BICRA: variants seen among roughly 807,000 people sequenced by gnomAD.
BICRA encodes BRD4-interacting chromatin-remodeling complex-associated protein.
A neutral mutation model predicts 96.9 loss-of-function variants in BICRA; 31 were observed. That is an observed-to-expected ratio of 0.32 (90% CI 0.24 to 0.43). The LOEUF (loss-of-function observed/expected upper bound fraction) is 0.43, where lower values mean the gene tolerates loss of function less well. BICRA is among the 20% of genes least tolerant of loss of function. BICRA has a pLI of 1.00. For missense variants in BICRA, 2,283 were observed against 2,190.3 expected (o/e 1.04, Z -0.84); for synonymous variants, 1,350 against 1,071.8 (o/e 1.26, Z -5.07).
rs749458422 is a variant in BICRA, at chr19:47,681,968, C to T, written c.2107-8C>T. 230 of 1,548,370 alleles carry T rather than the reference C, an allele frequency of 1.5e-4. No homozygotes were observed. The highest frequency in any genetic ancestry group is 1.9e-4 in the Non-Finnish European group (215 of 1,150,960). On this transcript the variant is annotated splice_region_variant and splice_polypyrimidine_tract_variant and intron_variant, in intron 6 of 14. Transcript: ENST00000594866. ...GCTTTCTGATCCTGTGCGGGCTGCC[C>T]GTTGCAGGAGAGGAGCCAGCAGCCC...
At chr19:47,696,842 G>A (rs1973351514) in intron 11 of BICRA, among the ~76,000 whole-genome samples, 1 of 152,004 alleles carries the variant, frequency 6.6e-6, no homozygotes, top group Admixed American at 6.6e-5. Context: ...GGTGGGTGAA[G>A]TGATGGGTGG....
rs780718883 is a variant in BICRA, at chr19:47,690,813, TGC to T, written c.2284-3299_2284-3298del. ...TGGATTGTGTGTGTGTGTGTGTGTG[TGC>T]GCACTTTTGATGAGAATGAAATTAA... On this transcript the variant is annotated intron_variant, in intron 7 of 14. Coordinates refer to ENST00000594866, the MANE Select transcript of BICRA (RefSeq NM_001394372.1). Among the ~76,000 whole-genome samples the T allele has an allele frequency of 1.1e-3, 164 of 148,038 alleles. 4 individuals carry two copies. The East Asian group carries it at 0.03, about 27-fold the overall frequency.
In BICRA at chr19:47,673,774, C is replaced by A. The variant is rs375606918; in HGVS notation, c.84+12C>A. The A allele has an allele frequency of 1.2e-6, 2 of 1,608,842 alleles. No homozygotes were observed. Among genetic ancestry groups the A allele is most frequent in the Non-Finnish European group, 1.7e-6 (2 of 1,175,596 alleles). On this transcript the variant is annotated intron_variant, in intron 4 of 14. Coordinates refer to ENST00000594866, the MANE Select transcript of BICRA (RefSeq NM_001394372.1). The stretch of plus-strand genomic sequence containing the variant: ...ATGGATCCGAGAAGGTAAGCATGGG[C>A]GCAGGGAGAGGCATTCCCTGAGTGG...
chr19:47,698,642 A>T lies in BICRA; in HGVS notation c.3257A>T (p.Glu1086Val). The change falls in exon 12 of 15, where the codon GAG becomes GTG. Residue 1086 changes from glutamate to valine, a missense_variant. Glu to Val is a moderately radical substitution (Grantham distance 121, BLOSUM62 -2). Transcript: ENST00000594866. The surrounding 1 kb of genome is among the most constrained non-coding windows in gnomAD (Gnocchi z 4.8). The part of the protein sequence containing the change: ...LQPSKEACFL[E>V]HLHKHQGSVL... ...CCCCTTTCCACCCGCAGTTTCCTGGAGCATTTGCACAAACACCAGGGCTCC... is the reference window on the plus strand; with the variant it reads ...CCCCTTTCCACCCGCAGTTTCCTGGTGCATTTGCACAAACACCAGGGCTCC... The T allele has an allele frequency of 7.4e-7, 1 of 1,358,414 alleles. No homozygotes were observed. The highest frequency in any genetic ancestry group is 1.0e-6 in the Non-Finnish European group (1 of 997,650). The allele number at this position is 1,358,414 out of a possible 1,614,324, so 84.1% of individuals were successfully genotyped here. A position where few individuals can be genotyped will look rare whatever the true frequency, so the allele number is the denominator to read the frequency against.
At chr19:47,652,914 C>T (rs1461920294) in intron 1 of BICRA, among the ~76,000 whole-genome samples, 2 of 151,898 alleles carry the variant, frequency 1.3e-5, no homozygotes, top group African/African-American at 4.8e-5. Context: ...TTTTCTTAAG[C>T]AGATGGTAAC....
chr19:47,613,843 C>A (rs944789742), intron 1 of BICRA, among the ~76,000 whole-genome samples: 1 of 152,014 alleles, frequency 6.6e-6, no homozygotes, highest in Non-Finnish European at 1.5e-5. Context: ...ACGCAAGTTT[C>A]CCCAGTGGAG....
intron 1 of BICRA, among the ~76,000 whole-genome samples, chr19:47,610,966 G>A (rs1477811669): frequency 2.0e-5 from 3 of 152,168 alleles, no homozygotes; most frequent in Non-Finnish European, 2.9e-5. Flanking sequence ...TATCAAACTA[G>A]GGAGCTTTAT....
At chr19:47,697,293 T>C (rs1973361244) in intron 11 of BICRA, among the ~76,000 whole-genome samples, 1 of 151,288 alleles carries the variant, frequency 6.6e-6, no homozygotes, top group Admixed American at 6.6e-5. Context: ...CCACCATGAG[T>C]GTTTTTTTAA....
rs1425001164 is a variant in BICRA, at chr19:47,681,068, C to T, written c.1898C>T (p.Thr633Ile). 1.4e-6 allele frequency: 2 copies of T among 1,419,556 alleles called. No individual in the cohort carries two copies. The highest frequency in any genetic ancestry group is 2.8e-5 in the East Asian group (1 of 36,020). The allele number at this position is 1,419,556 out of a possible 1,614,324, so 87.9% of individuals were successfully genotyped here. A position where few individuals can be genotyped will look rare whatever the true frequency, so the allele number is the denominator to read the frequency against. Residue 633 changes from threonine to isoleucine, a missense_variant, in exon 6 of 15, where the codon ACA (threonine) becomes ATA (isoleucine). Transcript: ENST00000594866. ...CCCCAGGCGCCCCCCGCGGTCAGCACACCCCTGCCCCTGGGCCTCCAGCAG... is the reference window on the plus strand; with the variant it reads ...CCCCAGGCGCCCCCCGCGGTCAGCATACCCCTGCCCCTGGGCCTCCAGCAG... ...PAPQAPPAVS[T>I]PLPLGLQQPQ... is the part of the protein sequence containing the mutation.
At chr19:47,696,375 A>G in intron 10 of BICRA, 76 bp from the exon 11 acceptor site, 1 of 1,370,676 alleles carries the variant, frequency 7.3e-7, no homozygotes, top group Admixed American at 2.0e-5. Flanking sequence ...TCTTTATCCT[A>G]GGCTAGAGGG....
At chr19:47,685,799 G>GCGCGCGCA (rs141802949) in intron 7 of BICRA, among the ~76,000 whole-genome samples, 16 of 148,730 alleles carry the variant, frequency 1.1e-4, no homozygotes, top group Non-Finnish European at 1.5e-4. Context: ...GCGCGCGCGC[G>GCGCGCGCA]CATGCGTACA....
At chr19:47,627,187 C>T (rs1400316068) in intron 1 of BICRA, among the ~76,000 whole-genome samples, 1 of 152,094 alleles carries the variant, frequency 6.6e-6, no homozygotes, top group Non-Finnish European at 1.5e-5. Flanking sequence ...TTCCTGATGT[C>T]TTCTTTAACA....
At chr19:47,641,195 C>T (rs1258254600) in intron 1 of BICRA, among the ~76,000 whole-genome samples, 1 of 150,168 alleles carries the variant, frequency 6.7e-6, no homozygotes, top group African/African-American at 2.5e-5. Flanking sequence ...TCTGGGATTA[C>T]AGACATCAGC....
rs780912517 is a variant in BICRA, at chr19:47,698,601, G to A, written c.3249-33G>A. ...CCCTCACCCGTCCCCCCCACCCTCC[G>A]CCGTGTGTGGTCTCTCCCCTTTCCA... On this transcript the variant is annotated intron_variant, in intron 11 of 14. Coordinates refer to ENST00000594866, the MANE Select transcript of BICRA (RefSeq NM_001394372.1). The surrounding 1 kb of genome is among the most constrained non-coding windows in gnomAD (Gnocchi z 4.8). 16 of 472,996 alleles carry A rather than the reference G, an allele frequency of 3.4e-5. No individual in the cohort carries two copies. Among genetic ancestry groups the A allele is most frequent in the African/African-American group, 2.1e-4 (10 of 46,984 alleles). 29.3% of individuals were successfully genotyped at this position (472,996 alleles called of 1,614,324 possible).
intron 1 of BICRA, among the ~76,000 whole-genome samples, chr19:47,622,452 T>C (rs1389411434): frequency 2.0e-4 from 27 of 135,970 alleles, no homozygotes; most frequent in Middle Eastern, 3.9e-3. Flanking sequence ...GGGCCGGGCG[T>C]GGTGGCTCAC....
chr19:47,622,440 G>A (rs1972078038), intron 1 of BICRA, among the ~76,000 whole-genome samples: 1 of 150,824 alleles, frequency 6.6e-6, no homozygotes, highest in Admixed American at 6.6e-5. Context: ...ATATGTAGGA[G>A]TGGGCCGGGC....
rs771258248 is a variant in BICRA at position 47,680,187 on chromosome 19, G to A, written c.1017G>A (p.Ala339=). The stretch of plus-strand genomic sequence containing the variant: ...TCGGCTCGTCGCCACTGGTCCCGGC[G>A]CCCAACGTGATCCTGCATCGCACAC... The part of the protein sequence containing the change: ...PGLGSSPLVP[A]PNVILHRTPT... Residue 339 remains alanine, a synonymous_variant, in exon 6 of 15, where the codon GCG becomes GCA. Coordinates refer to ENST00000594866, the MANE Select transcript of BICRA (RefSeq NM_001394372.1). 3 of 1,544,262 alleles carry A rather than the reference G, an allele frequency of 1.9e-6. No individual in the cohort carries two copies. Among genetic ancestry groups the A allele is most frequent in the South Asian group, 1.2e-5 (1 of 84,656 alleles).
At chr19:47,631,391 C>A (rs1006354044) in intron 1 of BICRA, among the ~76,000 whole-genome samples, 4 of 152,226 alleles carry the variant, frequency 2.6e-5, no homozygotes, top group Non-Finnish European at 5.9e-5. Context: ...CCACACCCGG[C>A]TAATTTTTGT....
rs138544372 is a variant in BICRA at position 47,679,440 on chromosome 19, C to A, written c.270C>A (p.Gly90=). 1 of 1,493,274 alleles carries A rather than the reference C, an allele frequency of 6.7e-7. No homozygotes were observed. The highest frequency in any genetic ancestry group is 2.6e-5 in the East Asian group (1 of 38,452). The allele number at this position is 1,493,274 out of a possible 1,614,324, so 92.5% of individuals were successfully genotyped here. A position where few individuals can be genotyped will look rare whatever the true frequency, so the allele number is the denominator to read the frequency against. Residue 90 remains glycine, a synonymous_variant, in exon 6 of 15, where the codon GGC becomes GGA. Coordinates refer to ENST00000594866, the MANE Select transcript of BICRA (RefSeq NM_001394372.1). ...TGGGCTCTCCTGCGACAGGGGGCGGCGGCGGGGGCAGTGGGGGCGCTGACC... is the reference window on the plus strand; with the variant it reads ...TGGGCTCTCCTGCGACAGGGGGCGGAGGCGGGGGCAGTGGGGGCGCTGACC... ...DILGSPATGG[G]GGGSGGADQP...
Sources: allele counts gnomAD v4.1 joint callset (sites outside exome capture counted in the v4.1 genomes callset), GRCh38; gene constraint gnomAD v4.1.1; non-coding constraint Gnocchi (gnomAD v3.1); transcripts MANE v1.5; gene names NCBI Gene and HGNC (gene_info 2026-07-23, HGNC 2026-07-21).